The following CDKL2 variants were observed in gnomAD, a reference collection of about 807,000 sequenced individuals.
The protein encoded by CDKL2 is cyclin-dependent kinase-like 2.
Under a neutral mutation model 63.9 loss-of-function variants are expected in CDKL2, and 64 were observed. The observed-to-expected ratio is 1.00, with a 90% confidence interval of 0.82 to 1.23. CDKL2 has a LOEUF of 1.23. CDKL2 is among the 50% of genes most tolerant of loss of function. The pLI is 0.00. For missense variants in CDKL2, 656 were observed against 668.0 expected (o/e 0.98, Z 0.20); for synonymous variants, 211 against 229.2 (o/e 0.92, Z 0.72).
Position 75,597,097 on chromosome 4 carries a change from T to G in CDKL2, c.1160A>C (p.Lys387Thr). The G allele has an allele frequency of 1.2e-6, 2 of 1,614,198 alleles. No homozygotes were observed. Among genetic ancestry groups the G allele is most frequent in the Non-Finnish European group, 1.7e-6 (2 of 1,180,026 alleles). ...CLHDSRTSHN[K>T]IVPSTSLKDC... is the part of the protein sequence containing the mutation. ...TTTGAGGCTTGTTGAAGGCACTATT[T>G]TGTTGTGGCTTGTCCTACTGTCATG... The change falls in exon 9 of 14, where the codon AAA (lysine) becomes ACA (threonine). Residue 387 changes from lysine to threonine, a missense_variant. Coordinates refer to ENST00000307465, the MANE Select transcript of CDKL2 (RefSeq NM_001330724.2).
chr4:75,597,475 C>A (rs188842084), intron 8 of CDKL2, among the ~76,000 whole-genome samples: 7 of 152,236 alleles, frequency 4.6e-5, no homozygotes, highest in Admixed American at 1.3e-4. Context: ...CACACACACA[C>A]ACACATACAC....
intron 2 of CDKL2, among the ~76,000 whole-genome samples, chr4:75,621,576 G>C (rs1210337928): frequency 6.6e-6 from 1 of 151,780 alleles, no homozygotes; most frequent in Non-Finnish European, 1.5e-5. Context: ...CCAGGCTGGA[G>C]TGCAGTGGCT....
chr4:75,619,173 G>T (rs1203027767), intron 2 of CDKL2, among the ~76,000 whole-genome samples: 1 of 152,012 alleles, frequency 6.6e-6, no homozygotes, highest in Non-Finnish European at 1.5e-5. Flanking sequence ...AACCAGAACT[G>T]GGAAAATTTT....
chr4:75,610,935 T>C (rs937173343), intron 3 of CDKL2, among the ~76,000 whole-genome samples: 4 of 152,172 alleles, frequency 2.6e-5, no homozygotes, highest in Non-Finnish European at 5.9e-5. Context: ...AACAAAACCT[T>C]AAAATATACC....
In CDKL2 at chr4:75,598,070, C is replaced by T. The variant is rs1172900561; in HGVS notation, c.1020+7G>A. 1.4e-6 allele frequency: 2 copies of T among 1,475,262 alleles called. No individual in the cohort carries two copies. Among genetic ancestry groups the T allele is most frequent in the South Asian group, 1.3e-5 (1 of 74,810 alleles). The allele number at this position is 1,475,262 out of a possible 1,614,324, so 91.4% of individuals were successfully genotyped here. On this transcript the variant is annotated splice_region_variant and intron_variant, in intron 8 of 13. Coordinates refer to ENST00000307465, the MANE Select transcript of CDKL2 (RefSeq NM_001330724.2). The stretch of plus-strand genomic sequence containing the variant: ...TTAAATCTAAAATGTGAAACATGAA[C>T]ATTTACCTGTACCACAAGTGTTTTT...
At chr4:75,609,390 A>T (rs1362864120) in intron 3 of CDKL2, among the ~76,000 whole-genome samples, 1 of 151,814 alleles carries the variant, frequency 6.6e-6, no homozygotes, top group African/African-American at 2.4e-5. Flanking sequence ...GTGGATCATG[A>T]GGTCAGGAGT....
intron 10 of CDKL2, among the ~76,000 whole-genome samples, chr4:75,592,987 TTCATA>T (rs1178758616): frequency 1.3e-5 from 2 of 152,240 alleles, no homozygotes; most frequent in African/African-American, 4.8e-5. Context: ...AAAGCCTGTA[TTCATA>T]TGTATGTATA....
chr4:75,616,757 T>TTATACA (rs927683780), intron 2 of CDKL2, among the ~76,000 whole-genome samples: 8 of 2,998 alleles, frequency 2.7e-3, no homozygotes, highest in Admixed American at 0.016. Flanking sequence ...TTTTAAAGAG[T>TTATACA]TATACATCAT....
intron 10 of CDKL2, among the ~76,000 whole-genome samples, chr4:75,593,558 T>G (rs911099446): frequency 6.6e-6 from 1 of 152,228 alleles, no homozygotes; most frequent in Non-Finnish European, 1.5e-5. Flanking sequence ...AAATCAGATC[T>G]AAAATTATCA....
chr4:75,605,669 T>C (rs779393029), intron 4 of CDKL2, 35 bp from the exon 5 acceptor site: 1 of 1,405,228 alleles, frequency 7.1e-7, no homozygotes, highest in Admixed American at 1.7e-5. Flanking sequence ...AAATCTGGCA[T>C]CCTAATATGC....
rs1729389518 is a variant in CDKL2 at position 75,605,578 on chromosome 4, G to T, written c.599C>A (p.Pro200His). The T allele has an allele frequency of 1.2e-6, 2 of 1,613,308 alleles. No homozygotes were observed. Among genetic ancestry groups the T allele is most frequent in the Non-Finnish European group, 8.5e-7 (1 of 1,179,570 alleles). The stretch of plus-strand genomic sequence containing the variant: ...AATATCAGAATCTCCAGGAAATAGG[G>T]GTTCCCCCATGAACATTTCAGTTAC... The part of the protein sequence containing the change: ...CLVTEMFMGE[P>H]LFPGDSDIDQ... Residue 200 changes from proline to histidine, a missense_variant, in exon 5 of 14, where the codon CCC becomes CAC. Transcript: ENST00000307465.
Position 75,625,898 on chromosome 4 carries a change from C to T in CDKL2, c.91G>A (p.Ala31Thr). The change falls in exon 2 of 14, where the codon GCC becomes ACC. Residue 31 changes from alanine (A) to threonine (T), a missense_variant. By Grantham distance (58) the Ala-to-Thr change is moderately conservative. Coordinates refer to ENST00000307465, the MANE Select transcript of CDKL2 (RefSeq NM_001330724.2). ...TCACTTTCTAAGAACTTCTTTATGG[C>T]CACAATTCTTCCAGTATCTTTATTC... ...CRNKDTGRIV[A>T]IKKFLESDDD... 1 of 1,612,862 alleles carries T rather than the reference C, an allele frequency of 6.2e-7. No individual in the cohort carries two copies. Among genetic ancestry groups the T allele is most frequent in the South Asian group, 1.1e-5 (1 of 90,978 alleles).
At chr4:75,611,147 A>C (rs1277071107) in intron 3 of CDKL2, among the ~76,000 whole-genome samples, 1 of 152,158 alleles carries the variant, frequency 6.6e-6, no homozygotes, top group African/African-American at 2.4e-5. Context: ...GTAAGAAATC[A>C]CAATCTAGAA....
At chr4:75,585,210 C>T (rs1269513289) in intron 12 of CDKL2, among the ~76,000 whole-genome samples, 1 of 152,090 alleles carries the variant, frequency 6.6e-6, no homozygotes, top group Non-Finnish European at 1.5e-5. Context: ...AGAGGCATTT[C>T]ATAATGAGAA....
At chr4:75,585,863 A>G (rs1191509042) in intron 12 of CDKL2, among the ~76,000 whole-genome samples, 1 of 152,250 alleles carries the variant, frequency 6.6e-6, no homozygotes, top group Non-Finnish European at 1.5e-5. Flanking sequence ...AAGAACTGAT[A>G]GACCTAAACA....
chr4:75,604,592 A>G (rs1353588889), intron 5 of CDKL2, among the ~76,000 whole-genome samples: 3 of 152,210 alleles, frequency 2.0e-5, no homozygotes, highest in Non-Finnish European at 4.4e-5. Context: ...ATTCTGTCAA[A>G]AGCACTAATA....
At chr4:75,592,084 G>C in intron 11 of CDKL2, 62 bp downstream of exon 11, 1 of 1,444,246 alleles carries the variant, frequency 6.9e-7, no homozygotes, top group Non-Finnish European at 9.2e-7. Context: ...TTTAAATTCT[G>C]TCTAACATAC....
intron 3 of CDKL2, among the ~76,000 whole-genome samples, chr4:75,612,641 T>C (rs1398391677): frequency 6.6e-6 from 1 of 152,232 alleles, no homozygotes; most frequent in African/African-American, 2.4e-5. Context: ...CATTAAGTAT[T>C]TGATTCACTA....
chr4:75,582,057 T>C (rs919081824), intron 12 of CDKL2, among the ~76,000 whole-genome samples, 159 bp from the exon 13 acceptor site: 11 of 152,370 alleles, frequency 7.2e-5, no homozygotes, highest in Non-Finnish European at 1.5e-4. Flanking sequence ...GGGACATTGT[T>C]CTTTTCCTTT....
Sources: gnomAD v4.1 joint callset for allele counts (sites outside exome capture counted in the v4.1 genomes callset) on GRCh38, gnomAD v4.1.1 for gene constraint, MANE v1.5 for transcripts, NCBI Gene and HGNC (gene_info 2026-07-23, HGNC 2026-07-21) for gene names.